Variants in ASAH2 observed in about 807,000 individuals in gnomAD.
The protein encoded by ASAH2 is neutral ceramidase.
Under a neutral mutation model 82.9 loss-of-function variants are expected in ASAH2, and 58 were observed. The observed-to-expected ratio is 0.70, with a 90% CI of 0.57 to 0.87. The LOEUF is 0.87. Among genes scored for constraint, ASAH2 ranks in the 40% least tolerant of loss-of-function variants. ASAH2 has a pLI of 0.00. For missense variants in ASAH2, 779 were observed against 834.0 expected (o/e 0.93, Z 0.81); for synonymous variants, 276 against 289.7 (o/e 0.95, Z 0.48).
At chr10:50,220,588 C>T (rs992100128) in intron 7 of ASAH2, among the ~76,000 whole-genome samples, 1,797 of 151,958 alleles carry the variant, frequency 0.012, 32 homozygotes, top group African/African-American at 0.038. Flanking sequence ...ATAATGAGAA[C>T]ACATGGACCA....
intron 4 of ASAH2, among the ~76,000 whole-genome samples, chr10:50,237,315 G>C (rs1846186691): frequency 1.3e-5 from 2 of 152,138 alleles, no homozygotes; most frequent in Non-Finnish European, 2.9e-5. Flanking sequence ...GAAGCATCCT[G>C]TCAGCACTAA....
At chr10:50,228,685 T>C (rs1459073202) in intron 7 of ASAH2, among the ~76,000 whole-genome samples, 7 of 152,028 alleles carry the variant, frequency 4.6e-5, no homozygotes, top group African/African-American at 1.7e-4. Context: ...AAGGGCTCCC[T>C]TACAAGACCA....
rs1845694196 is a variant in ASAH2 at position 50,219,714 on chromosome 10, G to A, written c.894-1084C>T. Among the ~76,000 whole-genome samples, 5 of 152,334 alleles carry A rather than the reference G, an allele frequency of 3.3e-5. No homozygotes were observed. The South Asian group carries it at 1.0e-3, about 32-fold the overall frequency. On this transcript the variant is annotated intron_variant, in intron 7 of 20. Transcript: ENST00000682911. ...GGCTAGAAAGGGATTAGGACTTCAA[G>A]ATCATCTTTCAAGCATCAGTTCTTA...
At chr10:50,244,438 T>C (rs1354702271) in intron 3 of ASAH2, among the ~76,000 whole-genome samples, 3 of 152,208 alleles carry the variant, frequency 2.0e-5, no homozygotes, top group African/African-American at 7.2e-5. Flanking sequence ...TTATTTAGGG[T>C]TCACATTCCA....
chr10:50,218,022 G>T (rs1170944413), intron 8 of ASAH2, among the ~76,000 whole-genome samples: 3 of 152,154 alleles, frequency 2.0e-5, no homozygotes, highest in Non-Finnish European at 4.4e-5. Flanking sequence ...CTACTCAGGA[G>T]ACTGAGGCAC....
At chr10:50,241,315 A>G (rs527872473) in intron 4 of ASAH2, among the ~76,000 whole-genome samples, 1 of 152,344 alleles carries the variant, frequency 6.6e-6, no homozygotes, top group East Asian at 1.9e-4. Flanking sequence ...CTACTCAGTA[A>G]TAGACAATTA....
At chr10:50,194,440 G>T (rs1220236355) in intron 18 of ASAH2, among the ~76,000 whole-genome samples, 6 of 151,598 alleles carry the variant, frequency 4.0e-5, no homozygotes, top group Admixed American at 1.3e-4. Flanking sequence ...ACTGATTTCT[G>T]ACAAAAACTT....
Position 50,251,463 on chromosome 10 carries a change from T to C in ASAH2, c.-105A>G, listed in dbSNP as rs1252168141. ...AATGGCCATCCAGAATCCTGTCCCC[T>C]TTCCCCTTGCACGTTGCTGGGCTTA... On this transcript the variant is annotated 5_prime_UTR_variant, in exon 1 of 21. Transcript: ENST00000682911. 3.3e-5 allele frequency among the ~76,000 whole-genome samples: 5 copies of C among 152,170 alleles called. No individual in the cohort carries two copies.
Position 50,185,075 on chromosome 10 carries a change from CCT to C in ASAH2, c.*2238_*2239del, listed in dbSNP as rs972706510. 1.4e-3 allele frequency: 207 copies of C among 151,294 alleles called. 1 individual carries two copies. The highest frequency in any genetic ancestry group is 0.011 in the Admixed American group (173 of 15,190). The allele number at this position is 151,294 out of a possible 1,614,324, so 9.4% of individuals were successfully genotyped here. A position where few individuals can be genotyped will look rare whatever the true frequency, so the allele number is the denominator to read the frequency against. Reference sequence around the variant, plus strand: ...CAAAATCTCCAAAATTGTTCTCCTACCTACCCAATCTGCCATATTCCACTTTT... The same window carrying C: ...CAAAATCTCCAAAATTGTTCTCCTACACCCAATCTGCCATATTCCACTTTT... On this transcript the variant is annotated 3_prime_UTR_variant, in exon 21 of 21. Coordinates refer to ENST00000682911, the MANE Select transcript of ASAH2 (RefSeq NM_019893.4).
chr10:50,214,668 A>G (rs2133209566), intron 9 of ASAH2, 75 bp downstream of exon 9: 2 of 1,576,598 alleles, frequency 1.3e-6, no homozygotes, highest in East Asian at 4.5e-5. Context: ...GTATTTGTAA[A>G]TTAATGATAA....
rs2133187650 is a variant in ASAH2 at position 50,185,661 on chromosome 10, T to C, written c.*1654A>G. On this transcript the variant is annotated 3_prime_UTR_variant, in exon 21 of 21. Coordinates refer to ENST00000682911, the MANE Select transcript of ASAH2 (RefSeq NM_019893.4). ...GACTGTGGCATCATCAGAAAAAAGATCACAACACTTGGAATCCCTGATTAC... is the reference window on the plus strand; with the variant it reads ...GACTGTGGCATCATCAGAAAAAAGACCACAACACTTGGAATCCCTGATTAC... 1 of 129,882 alleles carries C rather than the reference T, an allele frequency of 7.7e-6. No homozygotes were observed. The highest frequency in any genetic ancestry group is 2.7e-4 in the South Asian group (1 of 3,708). 8.0% of individuals were successfully genotyped at this position (129,882 alleles called of 1,614,324 possible).
intron 4 of ASAH2, 71 bp from the exon 5 acceptor site, chr10:50,236,135 TG>T: frequency 7.3e-7 from 1 of 1,365,334 alleles, no homozygotes; most frequent in Admixed American, 1.7e-5. Flanking sequence ...AAGGCTTTGA[TG>T]AGTTCAATCA....
intron 1 of ASAH2, among the ~76,000 whole-genome samples, chr10:50,250,873 A>G (rs1846596558): frequency 2.0e-5 from 3 of 152,262 alleles, no homozygotes; most frequent in African/African-American, 7.2e-5. Flanking sequence ...GTGGACTTGA[A>G]TGATCTACCT....
chr10:50,202,442 G>T (rs1845175836), intron 16 of ASAH2, among the ~76,000 whole-genome samples: 1 of 152,002 alleles, frequency 6.6e-6, no homozygotes, highest in Non-Finnish European at 1.5e-5. Context: ...AATAACATTT[G>T]CAAAGTCTTA....
intron 11 of ASAH2, 35 bp downstream of exon 11, chr10:50,210,995 T>C (rs981244650): frequency 6.2e-7 from 1 of 1,601,190 alleles, no homozygotes; most frequent in Non-Finnish European, 8.6e-7. Flanking sequence ...AACTTCACCC[T>C]TGGGGCATAA....
intron 7 of ASAH2, among the ~76,000 whole-genome samples, chr10:50,220,803 A>T (rs1346224692): frequency 6.7e-6 from 1 of 148,958 alleles, no homozygotes. Flanking sequence ...AGAAGTATAT[A>T]ATGTCCTGGT....
intron 4 of ASAH2, 91 bp from the exon 5 acceptor site, chr10:50,236,155 T>C: frequency 9.2e-7 from 1 of 1,090,398 alleles, no homozygotes; most frequent in Non-Finnish European, 1.4e-6. Flanking sequence ...CACTGATCCA[T>C]ACCAATAACA....
chr10:50,233,308 A>G, intron 6 of ASAH2, 47 bp from the exon 7 acceptor site: 1 of 1,369,598 alleles, frequency 7.3e-7, no homozygotes, highest in Non-Finnish European at 1.0e-6. Context: ...GTTAGAGCCT[A>G]ACCCTCATGT....
intron 2 of ASAH2, among the ~76,000 whole-genome samples, chr10:50,247,457 G>T (rs1165981070): frequency 6.6e-6 from 1 of 151,836 alleles, no homozygotes; most frequent in Non-Finnish European, 1.5e-5. Context: ...GAGCCACCGG[G>T]CCCAGCCAAA....
Sources: gnomAD v4.1 joint callset for allele counts (sites outside exome capture counted in the v4.1 genomes callset) on GRCh38, gnomAD v4.1.1 for gene constraint, MANE v1.5 for transcripts, NCBI Gene and HGNC (gene_info 2026-07-23, HGNC 2026-07-21) for gene names.